The following MGAT5 variants were observed in gnomAD, a reference collection of about 807,000 sequenced individuals.
MGAT5 encodes alpha-1,6-mannosylglycoprotein 6-beta-N-acetylglucosaminyltransferase A.
A neutral mutation model predicts 94.3 loss-of-function variants in MGAT5; 30 were observed. The ratio of observed to expected loss-of-function variants is 0.32; its 90% CI spans 0.24 to 0.43. MGAT5 has a LOEUF of 0.43. Among genes scored for constraint, MGAT5 ranks in the 20% least tolerant of loss-of-function variants. The pLI, the probability that MGAT5 is intolerant of heterozygous loss-of-function variation, is 1.00. For missense variants in MGAT5, 691 were observed against 905.5 expected (o/e 0.76, Z 3.04); for synonymous variants, 310 against 322.9 (o/e 0.96, Z 0.43).
chr2:134,264,211 G>A (rs148980865), intron 1 of MGAT5, among the ~76,000 whole-genome samples: 2,406 of 151,856 alleles, frequency 0.016, 61 homozygotes, highest in African/African-American at 0.055. Context: ...TAGTAGAGAC[G>A]GGGTTTCTCC....
chr2:134,321,949 A>T (rs1687349112), intron 4 of MGAT5, among the ~76,000 whole-genome samples: 1 of 152,116 alleles, frequency 6.6e-6, no homozygotes, highest in Non-Finnish European at 1.5e-5. Context: ...TAGCATTGTA[A>T]TAAGTACCCT....
chr2:134,385,973 C>T (rs142907496), intron 10 of MGAT5, among the ~76,000 whole-genome samples: 71 of 152,218 alleles, frequency 4.7e-4, no homozygotes, highest in African/African-American at 1.5e-3. Flanking sequence ...TGCTAATCAA[C>T]AGCAAAATCT....
intron 2 of MGAT5, among the ~76,000 whole-genome samples, chr2:134,285,855 T>C (rs1021335336): frequency 1.3e-5 from 2 of 152,194 alleles, no homozygotes; most frequent in African/African-American, 4.8e-5. Context: ...TCCTCTCTGT[T>C]TTCCAGAATC....
At chr2:134,316,388 C>G (rs1388287839) in intron 2 of MGAT5, among the ~76,000 whole-genome samples, 2 of 152,144 alleles carry the variant, frequency 1.3e-5, no homozygotes, top group Non-Finnish European at 2.9e-5. Flanking sequence ...CTCACTCCTA[C>G]TTTGTCTTCA....
chr2:134,274,185 C>T (rs542677771), intron 2 of MGAT5, among the ~76,000 whole-genome samples: 1 of 152,218 alleles, frequency 6.6e-6, no homozygotes, highest in African/African-American at 2.4e-5. Flanking sequence ...TTTGTTCTGC[C>T]CATAGTGTCT....
intron 1 of MGAT5, among the ~76,000 whole-genome samples, chr2:134,222,175 A>T (rs1366310429): frequency 6.6e-6 from 1 of 152,196 alleles, no homozygotes; most frequent in Non-Finnish European, 1.5e-5. Context: ...CTATTTTCTG[A>T]GCTATCATGA....
chr2:134,268,271 C>T lies in MGAT5; in HGVS notation c.242-2115C>T, dbSNP rs1246665654. On this transcript the variant is annotated intron_variant, in intron 1 of 15. Transcript: ENST00000281923. This position sits in a 1 kb window ranked among gnomAD's most constrained non-coding sequence, Gnocchi z 4.1. Reference sequence around the variant, plus strand: ...GTTAAATGCTATTCTAGATTGTATTCGGATTCTAGCTGGCTGATGACACAG... The same window carrying T: ...GTTAAATGCTATTCTAGATTGTATTTGGATTCTAGCTGGCTGATGACACAG... Among the ~76,000 whole-genome samples, 1 of 152,184 alleles carries T rather than the reference C, an allele frequency of 6.6e-6. No homozygotes were observed. The highest frequency in any genetic ancestry group is 1.5e-5 in the Non-Finnish European group (1 of 68,038).
intron 1 of MGAT5, among the ~76,000 whole-genome samples, chr2:134,169,121 A>G (rs925291286): frequency 2.6e-5 from 4 of 152,192 alleles, no homozygotes; most frequent in Non-Finnish European, 5.9e-5. Context: ...GGGCAAAGAG[A>G]CAATGCAGGT....
chr2:134,365,557 C>G (rs900721426), intron 10 of MGAT5, among the ~76,000 whole-genome samples: 8 of 152,242 alleles, frequency 5.3e-5, no homozygotes, highest in African/African-American at 1.9e-4. Context: ...CCAATGTTGA[C>G]AGGGAGAGGG....
intron 10 of MGAT5, among the ~76,000 whole-genome samples, chr2:134,370,325 T>C (rs1362475825): frequency 6.6e-6 from 1 of 152,232 alleles, no homozygotes; most frequent in Non-Finnish European, 1.5e-5. Flanking sequence ...TTAGCCAAGC[T>C]TCTCTGCCCA....
intron 10 of MGAT5, among the ~76,000 whole-genome samples, chr2:134,397,034 G>C (rs921576031): frequency 1.5e-4 from 23 of 152,334 alleles, no homozygotes; most frequent in African/African-American, 5.3e-4. Context: ...GGGAATGAGG[G>C]ATAAGTTAAG....
In MGAT5 at chr2:134,453,148, C is replaced by A. The variant is rs909627875; in HGVS notation, c.*4301C>A. The A allele has an allele frequency of 4.6e-5, 7 of 152,222 alleles. No individual in the cohort carries two copies. The highest frequency in any genetic ancestry group is 9.7e-5 in the African/African-American group (4 of 41,448). 9.4% of individuals were successfully genotyped at this position (152,222 alleles called of 1,614,324 possible). A position where few individuals can be genotyped will look rare whatever the true frequency, so the allele number is the denominator to read the frequency against. On this transcript the variant is annotated 3_prime_UTR_variant, in exon 16 of 16. Transcript: ENST00000281923. Reference sequence around the variant, plus strand: ...TTGAGAAATAGAGCTGAGCTCATTCCCTTCCTGTTGATTCAAAAATAATAC... The same window carrying A: ...TTGAGAAATAGAGCTGAGCTCATTCACTTCCTGTTGATTCAAAAATAATAC...
At chr2:134,333,148 G>A (rs551943637) in intron 4 of MGAT5, among the ~76,000 whole-genome samples, 13 of 152,030 alleles carry the variant, frequency 8.6e-5, no homozygotes, top group South Asian at 8.3e-4. Context: ...TGTTTATAGC[G>A]GCACTATTCA....
intron 1 of MGAT5, among the ~76,000 whole-genome samples, chr2:134,202,326 G>T (rs1043203234): frequency 3.9e-5 from 6 of 152,338 alleles, no homozygotes; most frequent in Admixed American, 3.9e-4. Context: ...TGGGGTTCAT[G>T]CCCTTATAAA....
chr2:134,317,069 C>T (rs541441703), intron 2 of MGAT5, among the ~76,000 whole-genome samples: 1 of 152,274 alleles, frequency 6.6e-6, no homozygotes, highest in South Asian at 2.1e-4. Context: ...GCTCTATTCA[C>T]ACCTCTCTGG....
intron 2 of MGAT5, among the ~76,000 whole-genome samples, chr2:134,282,027 T>A (rs190549231): frequency 6.6e-6 from 1 of 152,334 alleles, no homozygotes; most frequent in East Asian, 1.9e-4. Context: ...GTTCACAGAA[T>A]CCTAACTCTG....
chr2:134,329,429 C>T (rs960907316), intron 4 of MGAT5, among the ~76,000 whole-genome samples: 10 of 152,086 alleles, frequency 6.6e-5, no homozygotes, highest in African/African-American at 2.4e-4. Flanking sequence ...ATTCGTTAAC[C>T]ATACAGTACT....
intron 4 of MGAT5, among the ~76,000 whole-genome samples, chr2:134,329,884 C>T (rs1301841120): frequency 6.6e-6 from 1 of 152,090 alleles, no homozygotes; most frequent in East Asian, 1.9e-4. Flanking sequence ...AACCACTTAC[C>T]ACTTACATGA....
chr2:134,444,951 G>T (rs1440608147), intron 15 of MGAT5, among the ~76,000 whole-genome samples: 1 of 151,828 alleles, frequency 6.6e-6, no homozygotes, highest in Non-Finnish European at 1.5e-5. Context: ...ACTGGAAGAT[G>T]CAGGCTCCAG....
Sources: gnomAD v4.1 joint callset for allele counts (sites outside exome capture counted in the v4.1 genomes callset) on GRCh38, gnomAD v4.1.1 for gene constraint, Gnocchi (gnomAD v3.1) non-coding constraint, MANE v1.5 for transcripts, NCBI Gene and HGNC (gene_info 2026-07-23, HGNC 2026-07-21) for gene names.